The following FAM131C variants were observed in gnomAD, a reference collection of about 807,000 sequenced individuals.
FAM131C encodes the protein protein FAM131C.
A neutral mutation model predicts 29.8 loss-of-function variants in FAM131C; 14 were observed. The ratio of observed to expected loss-of-function variants is 0.47; its 90% CI spans 0.31 to 0.73. The LOEUF (loss-of-function observed/expected upper bound fraction) is 0.73. Ranked by LOEUF, FAM131C falls within the 30% of genes least tolerant of loss-of-function variation. The pLI is 0.05. For missense variants in FAM131C, 252 were observed against 383.8 expected (o/e 0.66, Z 2.87); for synonymous variants, 86 against 157.8 (o/e 0.54, Z 3.41).
chr1:16,063,704 A>T (rs1256773160), intron 1 of FAM131C, 68 bp from the exon 2 acceptor site: 12 of 1,098,324 alleles, frequency 1.1e-5, no homozygotes, highest in Middle Eastern at 2.0e-4. Context: ...AGCATGTTCA[A>T]GGCCCCCCCG....
chr1:16,070,243 G>C (rs916254460), intron 1 of FAM131C, among the ~76,000 whole-genome samples: 2 of 152,196 alleles, frequency 1.3e-5, no homozygotes, highest in Non-Finnish European at 2.9e-5. Context: ...ACTAGGTCAG[G>C]AGAGCAAAGG....
At chr1:16,069,540 G>T (rs550420070) in intron 1 of FAM131C, among the ~76,000 whole-genome samples, 2 of 152,246 alleles carry the variant, frequency 1.3e-5, no homozygotes, top group African/African-American at 2.4e-5. Context: ...GGGCCAGGAG[G>T]CTGATCAGTT....
At chr1:16,063,712 C>G in intron 1 of FAM131C, 76 bp from the exon 2 acceptor site, 1 of 971,532 alleles carries the variant, frequency 1.0e-6, no homozygotes, top group South Asian at 1.6e-5. Context: ...CAAGGCCCCC[C>G]CGTAAGGTGA....
At chr1:16,063,041 G>T (rs988264808) in intron 2 of FAM131C, among the ~76,000 whole-genome samples, 2 of 151,448 alleles carry the variant, frequency 1.3e-5, no homozygotes, top group Admixed American at 6.6e-5. Flanking sequence ...CAGAATTTGG[G>T]GTCCCTTGTG....
At chr1:16,072,800 G>A (rs2023766569) in intron 1 of FAM131C, among the ~76,000 whole-genome samples, 1 of 152,196 alleles carries the variant, frequency 6.6e-6, no homozygotes, top group South Asian at 2.1e-4. Context: ...CAGACACAGA[G>A]AGAAAGGCCC....
chr1:16,058,254 C>G lies in FAM131C; in HGVS notation c.*183G>C. On this transcript the variant is annotated 3_prime_UTR_variant, in exon 7 of 7. Coordinates refer to ENST00000375662, the MANE Select transcript of FAM131C (RefSeq NM_182623.3). The stretch of plus-strand genomic sequence containing the variant: ...GGGGTTATGGCTCCCACTGCTGGGG[C>G]AGGTCCACCGAGGCACAGAGAGGCC... 4.3e-6 allele frequency: 2 copies of G among 463,042 alleles called. No homozygotes were observed. Among genetic ancestry groups the G allele is most frequent in the Non-Finnish European group, 7.5e-6 (2 of 266,958 alleles). 28.7% of individuals were successfully genotyped at this position (463,042 alleles called of 1,614,324 possible).
intron 1 of FAM131C, among the ~76,000 whole-genome samples, chr1:16,067,132 C>T (rs1198475339): frequency 2.0e-5 from 3 of 152,130 alleles, no homozygotes; most frequent in African/African-American, 7.2e-5. Context: ...CTGGCTCCCA[C>T]CCCCTCCCCA....
At chr1:16,066,827 C>G (rs1482350229) in intron 1 of FAM131C, among the ~76,000 whole-genome samples, 4 of 152,176 alleles carry the variant, frequency 2.6e-5, no homozygotes, top group African/African-American at 4.8e-5. Context: ...TTGCAAGTTG[C>G]CAATCCTGAG....
chr1:16,063,471 G>T (rs769215316), intron 2 of FAM131C, 50 bp downstream of exon 2: 32 of 1,417,302 alleles, frequency 2.3e-5, no homozygotes, highest in Non-Finnish European at 3.0e-5. Flanking sequence ...GGAGGAGACA[G>T]GCCGGGAACC....
At chr1:16,069,328 C>T (rs2023721211) in intron 1 of FAM131C, among the ~76,000 whole-genome samples, 1 of 152,222 alleles carries the variant, frequency 6.6e-6, no homozygotes, top group Non-Finnish European at 1.5e-5. Flanking sequence ...GGCAAGGTCC[C>T]ACCTACCCTT....
chr1:16,061,452 G>A (rs1404856798), intron 4 of FAM131C, among the ~76,000 whole-genome samples: 1 of 152,098 alleles, frequency 6.6e-6, no homozygotes. Context: ...TGCTTCAGGT[G>A]CTGCTGCTGT....
intron 1 of FAM131C, among the ~76,000 whole-genome samples, chr1:16,069,228 C>A (rs1256446246): frequency 2.0e-5 from 3 of 152,174 alleles, no homozygotes; most frequent in Non-Finnish European, 1.5e-5. Context: ...CTCGGGGCAT[C>A]CTTCCAAGGG....
chr1:16,072,675 G>A (rs1329991424), intron 1 of FAM131C, among the ~76,000 whole-genome samples: 1 of 151,402 alleles, frequency 6.6e-6, no homozygotes, highest in Non-Finnish European at 1.5e-5. Context: ...GTGCAAGACT[G>A]TGTGTCCCCT....
chr1:16,069,026 C>A (rs950667526), intron 1 of FAM131C, among the ~76,000 whole-genome samples: 7 of 152,156 alleles, frequency 4.6e-5, no homozygotes, highest in African/African-American at 7.2e-5. Context: ...CTCATTTAAC[C>A]CACACAACAA....
intron 1 of FAM131C, among the ~76,000 whole-genome samples, chr1:16,064,000 G>A (rs2023641664): frequency 6.6e-6 from 1 of 151,974 alleles, no homozygotes; most frequent in African/African-American, 2.4e-5. Flanking sequence ...TGGCCTCTGA[G>A]CTCTCTCTCA....
chr1:16,063,283 C>G (rs75071582), intron 2 of FAM131C, among the ~76,000 whole-genome samples: 5 of 151,670 alleles, frequency 3.3e-5, no homozygotes, highest in South Asian at 2.1e-4. Context: ...AGTTAATTTG[C>G]GCAGGAAGAC....
chr1:16,073,515 C>A lies in FAM131C; in HGVS notation c.-73G>T. On this transcript the variant is annotated 5_prime_UTR_variant, in exon 1 of 7. Coordinates refer to ENST00000375662, the MANE Select transcript of FAM131C (RefSeq NM_182623.3). The stretch of plus-strand genomic sequence containing the variant: ...CGGGGCGTTCATGTCTCCGCGGGCC[C>A]GGGGCTGAGCGCTGCGGAGCCAGAG... 1.1e-6 allele frequency: 1 copy of A among 940,428 alleles called. No individual in the cohort carries two copies. The highest frequency in any genetic ancestry group is 1.4e-6 in the Non-Finnish European group (1 of 738,142). 58.3% of individuals were successfully genotyped at this position (940,428 alleles called of 1,614,324 possible).
chr1:16,061,184 G>A (rs1006074799), intron 4 of FAM131C, among the ~76,000 whole-genome samples: 18 of 152,176 alleles, frequency 1.2e-4, no homozygotes, highest in Admixed American at 1.1e-3. Context: ...AGAAAGGGGA[G>A]ACTCTCCCTC....
rs1557478753 is a variant in FAM131C, at chr1:16,062,541, C to G, written c.139-7G>C. On this transcript the variant is annotated splice_region_variant and splice_polypyrimidine_tract_variant and intron_variant, in intron 2 of 6. Coordinates refer to ENST00000375662, the MANE Select transcript of FAM131C (RefSeq NM_182623.3). Reference sequence around the variant, plus strand: ...AGAAATCCATCTGTTTGTCCTAAAACAAGAGGAGAGAGAGGATCAGGCAGG... The same window carrying G: ...AGAAATCCATCTGTTTGTCCTAAAAGAAGAGGAGAGAGAGGATCAGGCAGG... 6 of 1,573,830 alleles carry G rather than the reference C, an allele frequency of 3.8e-6. No homozygotes were observed. Among genetic ancestry groups the G allele is most frequent in the Non-Finnish European group, 3.4e-6 (4 of 1,159,684 alleles).
Sources: gnomAD v4.1 joint callset for allele counts (sites outside exome capture counted in the v4.1 genomes callset) on GRCh38, gnomAD v4.1.1 for gene constraint, MANE v1.5 for transcripts, NCBI Gene and HGNC (gene_info 2026-07-23, HGNC 2026-07-21) for gene names.